Variants in MMP16 observed in about 807,000 individuals in gnomAD.
The protein encoded by MMP16 is matrix metalloproteinase-16.
A neutral mutation model predicts 67.8 loss-of-function variants in MMP16; 12 were observed. The observed-to-expected ratio is 0.18, with a 90% confidence interval of 0.11 to 0.29. The LOEUF is 0.29. Among genes scored for constraint, MMP16 ranks in the 10% least tolerant of loss-of-function variants. The pLI, the probability that MMP16 is intolerant of heterozygous loss-of-function variation, is 1.00. For missense variants in MMP16, 475 were observed against 765.7 expected, an observed-to-expected ratio of 0.62 and a Z score of 4.48; for synonymous variants, 249 against 255.9, an observed-to-expected ratio of 0.97 and a Z score of 0.26.
chr8:88,233,931 A>G (rs374070717), intron 1 of MMP16, among the ~76,000 whole-genome samples: 1 of 152,354 alleles, frequency 6.6e-6, no homozygotes, highest in African/African-American at 2.4e-5. Context: ...TTATTTCACA[A>G]TGATAATTCT....
chr8:88,151,473 C>T (rs1808406147), intron 4 of MMP16, among the ~76,000 whole-genome samples: 2 of 150,528 alleles, frequency 1.3e-5, no homozygotes. Context: ...GTAAAGCACT[C>T]CTCAGCAAAT....
intron 6 of MMP16, among the ~76,000 whole-genome samples, chr8:88,083,020 C>A (rs575115412): frequency 1.3e-5 from 2 of 151,696 alleles, no homozygotes; most frequent in Admixed American, 1.3e-4. Flanking sequence ...AATCTTCATT[C>A]AATAATTTTA....
chr8:88,097,556 G>T (rs1008245572), intron 6 of MMP16, among the ~76,000 whole-genome samples: 1 of 148,354 alleles, frequency 6.7e-6, no homozygotes, highest in African/African-American at 2.5e-5. Context: ...AGCCTGGGAC[G>T]TGGAGATTGC....
intron 4 of MMP16, among the ~76,000 whole-genome samples, chr8:88,150,780 G>C (rs1453376091): frequency 6.6e-6 from 1 of 151,458 alleles, no homozygotes; most frequent in Non-Finnish European, 1.5e-5. Flanking sequence ...AAAGACCATC[G>C]ATGCTAGGAA....
Position 88,074,681 on chromosome 8 carries a change from A to C in MMP16, c.1146T>G (p.Thr382=), listed in dbSNP as rs1808615122. ...RVMDGYPMQI[T]YFWRGLPPSI... ...TAGGAGGCAAGCCCCGCCAGAAGTA[A>C]GTAATTTGCATTGGGTATCCATCCA... The change falls in exon 7 of 10, where the codon ACT becomes ACG. Residue 382 remains threonine, a synonymous_variant. Transcript: ENST00000286614. 1 of 1,613,802 alleles carries C rather than the reference A, an allele frequency of 6.2e-7. No individual in the cohort carries two copies. The highest frequency in any genetic ancestry group is 1.3e-5 in the African/African-American group (1 of 75,026).
intron 6 of MMP16, among the ~76,000 whole-genome samples, chr8:88,081,636 G>C (rs1158773313): frequency 1.3e-5 from 2 of 151,878 alleles, no homozygotes; most frequent in Admixed American, 6.6e-5. Flanking sequence ...CCAATGATTA[G>C]GTTAAATTTA....
chr8:88,120,167 T>C (rs923194752), intron 4 of MMP16, among the ~76,000 whole-genome samples: 4 of 151,696 alleles, frequency 2.6e-5, no homozygotes, highest in Non-Finnish European at 2.9e-5. Flanking sequence ...GGGAACATCA[T>C]AGTCATAGGA....
intron 3 of MMP16, among the ~76,000 whole-genome samples, chr8:88,182,589 T>C (rs946416245): frequency 6.6e-6 from 1 of 152,156 alleles, no homozygotes; most frequent in African/African-American, 2.4e-5. Flanking sequence ...GTCTACAGTA[T>C]CTCTCATTTA....
chr8:88,204,151 A>C (rs1809389239), intron 1 of MMP16, among the ~76,000 whole-genome samples: 1 of 152,220 alleles, frequency 6.6e-6, no homozygotes, highest in African/African-American at 2.4e-5. Flanking sequence ...ATCTGCCGAA[A>C]GAACAGTTGC....
intron 1 of MMP16, among the ~76,000 whole-genome samples, chr8:88,256,249 T>G (rs766315922): frequency 6.6e-6 from 1 of 152,098 alleles, no homozygotes; most frequent in African/African-American, 2.4e-5. Flanking sequence ...ATAGATTAGG[T>G]TTGTATTTGT....
chr8:88,131,965 C>T (rs902198552), intron 4 of MMP16, among the ~76,000 whole-genome samples: 3 of 151,752 alleles, frequency 2.0e-5, no homozygotes, highest in East Asian at 1.9e-4. Context: ...TACATTATGT[C>T]GTTTATTGCT....
chr8:88,204,158 T>C (rs1032115644), intron 1 of MMP16, among the ~76,000 whole-genome samples: 1 of 152,154 alleles, frequency 6.6e-6, no homozygotes, highest in Admixed American at 6.5e-5. Context: ...GAAAGAACAG[T>C]TGCAGAGGGT....
intron 1 of MMP16, among the ~76,000 whole-genome samples, chr8:88,294,690 G>A (rs778173172): frequency 6.6e-6 from 1 of 151,918 alleles, no homozygotes; most frequent in Non-Finnish European, 1.5e-5. Context: ...TTAGTTAATG[G>A]AATATTAGAA....
chr8:88,155,821 C>T (rs1808500199), intron 4 of MMP16, among the ~76,000 whole-genome samples: 1 of 151,924 alleles, frequency 6.6e-6, no homozygotes, highest in Non-Finnish European at 1.5e-5. Context: ...TTCTGGTTTT[C>T]TTGATAAAAT....
chr8:88,044,863 AT>A (rs1257716230), intron 9 of MMP16, among the ~76,000 whole-genome samples: 1 of 152,098 alleles, frequency 6.6e-6, no homozygotes, highest in Non-Finnish European at 1.5e-5. Context: ...CATCTTTCAC[AT>A]TTTTTCATTT....
At position 88,118,791 on chromosome 8, in the gene MMP16, G is replaced by A; in HGVS notation, c.780C>T (p.Pro260=). The change falls in exon 5 of 10, where the codon CCC becomes CCT. Residue 260 remains proline, a synonymous_variant. Coordinates refer to ENST00000286614, the MANE Select transcript of MMP16 (RefSeq NM_005941.5). The part of the protein sequence containing the change: ...HALGLEHSND[P]TAIMAPFYQY... ...GGTAAAATGGAGCCATGATGGCAGT[G>A]GGGTCATTGGAATGCTCCAATCCCA... 6.2e-7 allele frequency: 1 copy of A among 1,613,230 alleles called. No individual in the cohort carries two copies. Among genetic ancestry groups the A allele is most frequent in the Non-Finnish European group, 8.5e-7 (1 of 1,179,464 alleles).
At position 88,039,862 on chromosome 8, in the gene MMP16, G is replaced by T. The variant is rs907018526; in HGVS notation, c.*1599C>A. On this transcript the variant is annotated 3_prime_UTR_variant, in exon 10 of 10. Transcript: ENST00000286614. The surrounding 1 kb of genome is among the most constrained non-coding windows in gnomAD (Gnocchi z 4.5). ...CCTGCTCTGCAGGTCACATGAAAAT[G>T]ACAATACTGCTGTTAGGACAAATTA... The T allele has an allele frequency of 5.2e-5, 8 of 152,604 alleles. No homozygotes were observed. The highest frequency in any genetic ancestry group is 1.7e-4 in the African/African-American group (7 of 41,450). 9.5% of individuals were successfully genotyped at this position (152,604 alleles called of 1,614,324 possible).
At chr8:88,309,842 T>C (rs2130063683) in intron 1 of MMP16, among the ~76,000 whole-genome samples, 1 of 152,230 alleles carries the variant, frequency 6.6e-6, no homozygotes, top group South Asian at 2.1e-4. Context: ...TGGGCCTTCA[T>C]TATTGTGACT....
At chr8:88,297,069 T>G (rs1811024941) in intron 1 of MMP16, among the ~76,000 whole-genome samples, 1 of 152,180 alleles carries the variant, frequency 6.6e-6, no homozygotes, top group Non-Finnish European at 1.5e-5. Flanking sequence ...TTCCATATTT[T>G]ACTGTTTCAC....
Sources: gnomAD v4.1 joint callset for allele counts (sites outside exome capture counted in the v4.1 genomes callset) on GRCh38, gnomAD v4.1.1 for gene constraint, Gnocchi (gnomAD v3.1) non-coding constraint, MANE v1.5 for transcripts, NCBI Gene and HGNC (gene_info 2026-07-23, HGNC 2026-07-21) for gene names.